Variants in JAKMIP3 observed in about 807,000 individuals in gnomAD.
JAKMIP3 encodes janus kinase and microtubule-interacting protein 3.
Under a neutral mutation model 118.5 loss-of-function variants are expected in JAKMIP3, and 58 were observed. That is an observed-to-expected ratio of 0.49 (90% CI 0.40 to 0.61). JAKMIP3 has a LOEUF of 0.61. Among genes scored for constraint, JAKMIP3 ranks in the 20% least tolerant of loss-of-function variants. The probability of loss-of-function intolerance (pLI) is 0.00; values close to 1 mark genes in which losing one functional copy is unlikely to be tolerated. For synonymous variants in JAKMIP3, 486 were observed against 451.2 expected, an observed-to-expected ratio of 1.08 and a Z score of -0.98; for missense variants, 950 against 1,109.0, an observed-to-expected ratio of 0.86 and a Z score of 2.04.
intron 23 of JAKMIP3, among the ~76,000 whole-genome samples, chr10:132,180,586 CGTGTGT>C (rs1264719961): frequency 0.27 from 2,629 of 9,716 alleles, 693 homozygotes; most frequent in Middle Eastern, 0.44. Flanking sequence ...TGTGCGTGCG[CGTGTGT>C]GTGTGCGTGC....
In JAKMIP3 at chr10:132,104,876, CG is replaced by C; in HGVS notation, c.70del (p.Ala24ProfsTer61). The C allele has an allele frequency of 6.4e-7, 1 of 1,571,086 alleles. No individual in the cohort carries two copies. The highest frequency in any genetic ancestry group is 8.6e-7 in the Non-Finnish European group (1 of 1,158,922). On this transcript the variant is annotated frameshift_variant, in exon 2 of 24. Coordinates refer to ENST00000684848, the MANE Select transcript of JAKMIP3 (RefSeq NM_001323087.2). ...GCAGAGGCCCTCGCGGCGCTGCAGGCGGCCAACGAGGATCTTCGAGCCAAGC... is the reference window on the plus strand; with the variant it reads ...GCAGAGGCCCTCGCGGCGCTGCAGGCGCCAACGAGGATCTTCGAGCCAAGC... ...DKAEALAALQ[A>X]ANEDLRAKLT...
chr10:132,164,870 G>A lies in JAKMIP3; in HGVS notation c.2490+135G>A, dbSNP rs1051105859. ...CTCCCAACAGCAGCGGGAAGCGGCC[G>A]CCTGGAGGCCTGAAGGCTGGGCGGA... On this transcript the variant is annotated intron_variant, in intron 21 of 23. Transcript: ENST00000684848. 3.7e-5 allele frequency: 24 copies of A among 654,616 alleles called. No individual in the cohort carries two copies. In the Admixed American group the frequency reaches 5.1e-4, roughly 14 times the overall value. The allele number at this position is 654,616 out of a possible 1,614,324, so 40.6% of individuals were successfully genotyped here.
chr10:132,039,964 A>G (rs2037669389), intron 1 of JAKMIP3, among the ~76,000 whole-genome samples: 1 of 152,228 alleles, frequency 6.6e-6, no homozygotes, highest in East Asian at 1.9e-4. Context: ...GTTTATAAAA[A>G]TTCTAAAATT....
chr10:132,145,012 C>A, intron 11 of JAKMIP3, 95 bp from the exon 12 acceptor site: 1 of 997,396 alleles, frequency 1.0e-6, no homozygotes, highest in Non-Finnish European at 1.5e-6. Context: ...ATGAACTGAA[C>A]CAAAAGACAG....
chr10:132,058,694 G>T (rs1347902771), intron 1 of JAKMIP3, among the ~76,000 whole-genome samples: 1 of 152,204 alleles, frequency 6.6e-6, no homozygotes, highest in East Asian at 1.9e-4. Context: ...CAGTGGGGAG[G>T]GGACGCACCC....
rs1299361882 is a variant in JAKMIP3, at chr10:132,095,556, TTTGGGGTGTC to T, written c.-137-9114_-137-9105del. Among the ~76,000 whole-genome samples the T allele has an allele frequency of 2.0e-5, 3 of 152,294 alleles. No individual in the cohort carries two copies. In the South Asian group the frequency reaches 6.2e-4, roughly 32 times the overall value. The stretch of plus-strand genomic sequence containing the variant: ...TTCCATAGCTTGGGCACTCACAGTA[TTTGGGGTGTC>T]TCCCAGGTCCTGCAGGAGCAATCTG... On this transcript the variant is annotated intron_variant, in intron 1 of 23. Coordinates refer to ENST00000684848, the MANE Select transcript of JAKMIP3 (RefSeq NM_001323087.2).
At chr10:132,079,654 G>A (rs2041456001) in intron 1 of JAKMIP3, among the ~76,000 whole-genome samples, 1 of 152,216 alleles carries the variant, frequency 6.6e-6, no homozygotes, top group African/African-American at 2.4e-5. Flanking sequence ...CTTCAGTAGT[G>A]TGAAGTATAT....
chr10:132,073,886 C>T (rs1257815788), intron 1 of JAKMIP3, among the ~76,000 whole-genome samples: 3 of 152,156 alleles, frequency 2.0e-5, no homozygotes, highest in African/African-American at 4.8e-5. Flanking sequence ...TGGGTAGATA[C>T]CCAATGTTGA....
chr10:132,090,274 C>A (rs1477744037), intron 1 of JAKMIP3, among the ~76,000 whole-genome samples: 1 of 152,168 alleles, frequency 6.6e-6, no homozygotes, highest in Non-Finnish European at 1.5e-5. Flanking sequence ...GGAATAGTTT[C>A]GGAAAGAATG....
chr10:132,167,113 C>T, intron 22 of JAKMIP3, 58 bp downstream of exon 22: 1 of 1,202,400 alleles, frequency 8.3e-7, no homozygotes. Flanking sequence ...CGGAAGACTC[C>T]TCTGCCCCTG....
At chr10:132,181,630 C>T (rs183900367) in intron 23 of JAKMIP3, 9 of 152,336 alleles carry the variant, frequency 5.9e-5, no homozygotes, top group Non-Finnish European at 1.0e-4. Flanking sequence ...ACGCTTAATA[C>T]GGGAAGAAGT....
chr10:132,041,508 T>A (rs1332338961), intron 1 of JAKMIP3, among the ~76,000 whole-genome samples: 1 of 152,246 alleles, frequency 6.6e-6, no homozygotes, highest in African/African-American at 2.4e-5. Flanking sequence ...GTGTGGCCCC[T>A]CTGCCGCGTG....
intron 6 of JAKMIP3, 43 bp from the exon 7 acceptor site, chr10:132,136,976 C>G (rs777521327): frequency 3.8e-5 from 61 of 1,599,138 alleles, no homozygotes; most frequent in South Asian, 3.0e-4. Flanking sequence ...CAGCCAGACC[C>G]CTTCACTCCC....
intron 1 of JAKMIP3, among the ~76,000 whole-genome samples, chr10:132,038,530 C>G (rs1039826505): frequency 1.3e-5 from 2 of 152,188 alleles, no homozygotes; most frequent in African/African-American, 4.8e-5. Flanking sequence ...GGTGTGGTGG[C>G]TCATGCCTGG....
rs2045664953 is a variant in JAKMIP3 at position 132,104,888 on chromosome 10, A to T, written c.80A>T (p.Asp27Val). Residue 27 changes from aspartate to valine, a missense_variant, in exon 2 of 24, where the codon GAT (aspartate) becomes GTT (valine). Physicochemically the swap from Asp to Val is radical, Grantham distance 152. Coordinates refer to ENST00000684848, the MANE Select transcript of JAKMIP3 (RefSeq NM_001323087.2). ...ALAALQAANEDLRAKLTDIQI... is the reference protein window; with the variant it reads ...ALAALQAANEVLRAKLTDIQI... ...GCGGCGCTGCAGGCGGCCAACGAGGATCTTCGAGCCAAGCTCACAGACATC... is the reference window on the plus strand; with the variant it reads ...GCGGCGCTGCAGGCGGCCAACGAGGTTCTTCGAGCCAAGCTCACAGACATC... 6 of 1,579,230 alleles carry T rather than the reference A, an allele frequency of 3.8e-6. No homozygotes were observed. The highest frequency in any genetic ancestry group is 4.3e-6 in the Non-Finnish European group (5 of 1,163,256).
At chr10:132,145,742 C>G (rs1310269643) in intron 13 of JAKMIP3, among the ~76,000 whole-genome samples, 162 bp downstream of exon 13, 4 of 152,166 alleles carry the variant, frequency 2.6e-5, no homozygotes, top group African/African-American at 7.2e-5. Flanking sequence ...CCATCAGGAG[C>G]CCTGGGGAGG....
intron 23 of JAKMIP3, among the ~76,000 whole-genome samples, chr10:132,169,582 CA>C (rs1565000041): frequency 6.0e-4 from 91 of 152,158 alleles, no homozygotes; most frequent in African/African-American, 2.1e-3. Flanking sequence ...CTGTGGGACT[CA>C]GCGGGGCCCT....
intron 19 of JAKMIP3, among the ~76,000 whole-genome samples, chr10:132,155,815 C>T (rs1233201838): frequency 2.0e-5 from 3 of 152,218 alleles, no homozygotes; most frequent in Admixed American, 2.0e-4. Flanking sequence ...TCCTGGGCCA[C>T]TGTCCTCACG....
At chr10:132,048,667 C>CTTTTT (rs35729418) in intron 1 of JAKMIP3, among the ~76,000 whole-genome samples, 23,188 of 129,484 alleles carry the variant, frequency 0.18, 2,672 homozygotes, top group East Asian at 0.36. Flanking sequence ...TGTTTCTTTT[C>CTTTTT]TTTTTTTTTT....
Sources: gnomAD v4.1 joint callset for allele counts (sites outside exome capture counted in the v4.1 genomes callset) on GRCh38, gnomAD v4.1.1 for gene constraint, MANE v1.5 for transcripts, NCBI Gene and HGNC (gene_info 2026-07-23, HGNC 2026-07-21) for gene names.